The following LMBR1 variants were observed in gnomAD, a reference collection of about 807,000 sequenced individuals.
LMBR1 encodes the protein limb development membrane protein 1.
In LMBR1, 52 loss-of-function variants were observed where a neutral mutation model predicts 73.9. The observed-to-expected ratio is 0.70, with a 90% confidence interval of 0.56 to 0.89. LMBR1 has a LOEUF of 0.89. Ranked by LOEUF, LMBR1 falls within the 40% of genes least tolerant of loss-of-function variation. LMBR1 has a pLI of 0.00. For synonymous variants in LMBR1, 215 were observed against 209.4 expected, an observed-to-expected ratio of 1.03 and a Z score of -0.23; for missense variants, 539 against 579.8, an observed-to-expected ratio of 0.93 and a Z score of 0.72.
intron 5 of LMBR1, among the ~76,000 whole-genome samples, chr7:156,790,101 C>T (rs1828938048): frequency 6.6e-6 from 1 of 151,880 alleles, no homozygotes; most frequent in Admixed American, 6.6e-5. Context: ...TATTTTTTTA[C>T]AACCTATACT....
At chr7:156,792,205 A>G (rs774813788) in intron 5 of LMBR1, among the ~76,000 whole-genome samples, 2 of 152,214 alleles carry the variant, frequency 1.3e-5, no homozygotes, top group Admixed American at 6.5e-5. Context: ...CTGAGGTATG[A>G]TAAGCACAGC....
Position 156,767,804 on chromosome 7 carries a change from T to C in LMBR1, c.424-4009A>G, listed in dbSNP as rs549744705. On this transcript the variant is annotated intron_variant, in intron 5 of 16. Coordinates refer to ENST00000353442, the MANE Select transcript of LMBR1 (RefSeq NM_022458.4). ...CAAATATATCTACTATAACTATATA[T>C]GCAAATTAGGTCAAAAAACACAATT... is the stretch of plus-strand genomic sequence containing the variant. Among the ~76,000 whole-genome samples the C allele has an allele frequency of 1.1e-3, 165 of 152,134 alleles. 1 individual carries two copies. Among genetic ancestry groups the C allele is most frequent in the Admixed American group, 1.7e-3 (26 of 15,278 alleles).
At chr7:156,878,414 A>G (rs1185261134) in intron 1 of LMBR1, among the ~76,000 whole-genome samples, 2 of 152,224 alleles carry the variant, frequency 1.3e-5, no homozygotes, top group Admixed American at 1.3e-4. Context: ...ACAGTGACCA[A>G]GCTGAGAATC....
At position 156,864,456 on chromosome 7, in the gene LMBR1, T is replaced by C. The variant is rs571450768; in HGVS notation, c.67-27571A>G. On this transcript the variant is annotated intron_variant, in intron 1 of 16. Coordinates refer to ENST00000353442, the MANE Select transcript of LMBR1 (RefSeq NM_022458.4). ...AAACCTATGATGATATATTTTTAAA[T>C]TCATTCACACTGCATGCCTTGGAGG... Among the ~76,000 whole-genome samples the C allele has an allele frequency of 1.7e-3, 266 of 152,322 alleles. 1 individual carries two copies. The highest frequency in any genetic ancestry group is 3.1e-3 in the Non-Finnish European group (213 of 68,026).
At chr7:156,725,145 T>G (rs1403849793) in intron 14 of LMBR1, among the ~76,000 whole-genome samples, 6 of 152,176 alleles carry the variant, frequency 3.9e-5, no homozygotes, top group South Asian at 4.1e-4. Flanking sequence ...AAGTTACTCA[T>G]TAGCAATACG....
intron 16 of LMBR1, 146 bp from the exon 17 acceptor site, chr7:156,684,309 T>C (rs1805560366): frequency 1.5e-6 from 1 of 661,110 alleles, no homozygotes; most frequent in Admixed American, 2.6e-5. Flanking sequence ...GAGGAATGAA[T>C]GATTTCTTCT....
intron 5 of LMBR1, among the ~76,000 whole-genome samples, chr7:156,793,600 CTG>C (rs953007749): frequency 1.3e-5 from 2 of 152,108 alleles, no homozygotes; most frequent in Non-Finnish European, 2.9e-5. Context: ...TAAAAGATGA[CTG>C]TACTGTATTC....
chr7:156,857,113 C>CAAGG (rs1797082555), intron 1 of LMBR1, among the ~76,000 whole-genome samples: 1 of 150,892 alleles, frequency 6.6e-6, no homozygotes, highest in African/African-American at 2.4e-5. Flanking sequence ...CCACCAAGAA[C>CAAGG]AAGGACAATA....
chr7:156,685,660 C>T lies in LMBR1; in HGVS notation c.1388-1497G>A, dbSNP rs1805856780. 6.6e-6 allele frequency among the ~76,000 whole-genome samples: 1 copy of T among 152,262 alleles called. No homozygotes were observed. Among genetic ancestry groups the T allele is most frequent in the Non-Finnish European group, 1.5e-5 (1 of 68,054 alleles). On this transcript the variant is annotated intron_variant, in intron 16 of 16. Transcript: ENST00000353442. This position sits in a 1 kb window ranked among gnomAD's most constrained non-coding sequence, Gnocchi z 4.1. Reference sequence around the variant, plus strand: ...ACTGCTGGCAGAAACGGTTCAGCTCCATGATCATCTGCTGTGGCCACTGTC... The same window carrying T: ...ACTGCTGGCAGAAACGGTTCAGCTCTATGATCATCTGCTGTGGCCACTGTC...
intron 1 of LMBR1, among the ~76,000 whole-genome samples, chr7:156,840,724 C>A (rs1838518268): frequency 6.6e-6 from 1 of 151,554 alleles, no homozygotes; most frequent in African/African-American, 2.4e-5. Flanking sequence ...CTTTGGGAGG[C>A]CGAGGCGGGT....
At chr7:156,860,264 G>A (rs1458878306) in intron 1 of LMBR1, among the ~76,000 whole-genome samples, 3 of 152,186 alleles carry the variant, frequency 2.0e-5, no homozygotes, top group Non-Finnish European at 4.4e-5. Flanking sequence ...AGGCAAGGAG[G>A]AGCAAGTCAC....
At chr7:156,843,582 C>T (rs1839083551) in intron 1 of LMBR1, among the ~76,000 whole-genome samples, 1 of 152,052 alleles carries the variant, frequency 6.6e-6, no homozygotes, top group Admixed American at 6.5e-5. Flanking sequence ...GCAGTGGCTC[C>T]CGTCTGTAAT....
intron 1 of LMBR1, among the ~76,000 whole-genome samples, chr7:156,847,900 A>G (rs1391849783): frequency 1.3e-5 from 2 of 152,194 alleles, no homozygotes; most frequent in Non-Finnish European, 2.9e-5. Flanking sequence ...TGATTCAGCA[A>G]TCCCGTTAGA....
intron 5 of LMBR1, among the ~76,000 whole-genome samples, chr7:156,776,300 TC>T (rs1826126294): frequency 1.3e-5 from 2 of 151,982 alleles, no homozygotes; most frequent in Admixed American, 1.3e-4. Context: ...ATCACTCTCT[TC>T]CCAACTTTGT....
chr7:156,682,663 TTTC>T lies in LMBR1; in HGVS notation c.*1412_*1414del, dbSNP rs1423859764. 6.6e-6 allele frequency: 1 copy of T among 152,204 alleles called. No individual in the cohort carries two copies. Among genetic ancestry groups the T allele is most frequent in the East Asian group, 1.9e-4 (1 of 5,202 alleles). The allele number at this position is 152,204 out of a possible 1,614,324, so 9.4% of individuals were successfully genotyped here. On this transcript the variant is annotated 3_prime_UTR_variant, in exon 17 of 17. Transcript: ENST00000353442. ...AAGGTTGTAAATATACAGATTAAAG[TTTC>T]TTATTATTTTGGTTTAAAGTGGAAA...
chr7:156,790,736 G>C (rs1269903583), intron 5 of LMBR1, among the ~76,000 whole-genome samples: 1 of 150,218 alleles, frequency 6.7e-6, no homozygotes, highest in Non-Finnish European at 1.5e-5. Context: ...GTCATTTCCT[G>C]AACTAAATGA....
chr7:156,880,844 G>A (rs1800976442), intron 1 of LMBR1, among the ~76,000 whole-genome samples: 2 of 152,106 alleles, frequency 1.3e-5, no homozygotes, highest in African/African-American at 4.8e-5. Flanking sequence ...GTAGAGACAA[G>A]GTTTCACCAT....
Position 156,685,631 on chromosome 7 carries a change from C to A in LMBR1, c.1388-1468G>T, listed in dbSNP as rs951758436. Reference sequence around the variant, plus strand: ...CGCCAGGACATTACAACAGCCGCCACGCCACTGCTGGCAGAAACGGTTCAG... The same window carrying A: ...CGCCAGGACATTACAACAGCCGCCAAGCCACTGCTGGCAGAAACGGTTCAG... On this transcript the variant is annotated intron_variant, in intron 16 of 16. Transcript: ENST00000353442. This position sits in a 1 kb window ranked among gnomAD's most constrained non-coding sequence, Gnocchi z 4.1. Among the ~76,000 whole-genome samples the A allele has an allele frequency of 1.3e-5, 2 of 152,238 alleles. No homozygotes were observed. The highest frequency in any genetic ancestry group is 2.9e-5 in the Non-Finnish European group (2 of 68,050).
At chr7:156,701,096 G>C (rs2365516) in intron 15 of LMBR1, among the ~76,000 whole-genome samples, 26,227 of 152,014 alleles carry the variant, frequency 0.17, 2,804 homozygotes, top group African/African-American at 0.31. Context: ...CCTCCCACCA[G>C]ACCCCTCCCA....
Sources: gnomAD v4.1 joint callset for allele counts (sites outside exome capture counted in the v4.1 genomes callset) on GRCh38, gnomAD v4.1.1 for gene constraint, Gnocchi (gnomAD v3.1) non-coding constraint, MANE v1.5 for transcripts, NCBI Gene and HGNC (gene_info 2026-07-23, HGNC 2026-07-21) for gene names.